CORO2A: variants seen among roughly 807,000 people sequenced by gnomAD.
The protein encoded by CORO2A is coronin-2A.
Under a neutral mutation model 62.4 loss-of-function variants are expected in CORO2A, and 47 were observed. The observed-to-expected ratio is 0.75, with a 90% CI of 0.60 to 0.96. CORO2A has a LOEUF of 0.96. Among genes scored for constraint, CORO2A ranks in the 40% least tolerant of loss-of-function variants. The probability of loss-of-function intolerance (pLI) is 0.00; values close to 1 mark genes in which losing one functional copy is unlikely to be tolerated. For synonymous variants in CORO2A, 273 were observed against 268.9 expected, an observed-to-expected ratio of 1.02 and a Z score of -0.15; for missense variants, 610 against 684.1, an observed-to-expected ratio of 0.89 and a Z score of 1.21.
At chr9:98,157,914 C>T (rs1327703400) in intron 1 of CORO2A, among the ~76,000 whole-genome samples, 2 of 152,160 alleles carry the variant, frequency 1.3e-5, no homozygotes, top group Non-Finnish European at 2.9e-5. Context: ...GGCTTTTCAT[C>T]CCTTTGAGTG....
chr9:98,138,646 C>T (rs774193961), intron 2 of CORO2A, among the ~76,000 whole-genome samples: 2 of 152,210 alleles, frequency 1.3e-5, no homozygotes. Context: ...AAAGGCCACA[C>T]GTTGTGTGAT....
intron 1 of CORO2A, among the ~76,000 whole-genome samples, chr9:98,160,682 GC>G (rs1024980724): frequency 4.6e-5 from 7 of 152,072 alleles, no homozygotes; most frequent in African/African-American, 1.4e-4. Flanking sequence ...TCCGCTCCAG[GC>G]CCCCCCACTC....
rs563236645 is a variant in CORO2A, at chr9:98,161,619, G to A, written c.1-3959C>T. On this transcript the variant is annotated intron_variant, in intron 1 of 11. Transcript: ENST00000375077. ...GATAGAGGACCAGATTTAATTTTCA[G>A]GTTTTCCTCTGATTCCTGAGCAGAG... Among the ~76,000 whole-genome samples, 3 of 152,194 alleles carry A rather than the reference G, an allele frequency of 2.0e-5. No homozygotes were observed. In the South Asian group the frequency reaches 6.2e-4, roughly 32 times the overall value.
intron 1 of CORO2A, chr9:98,172,618 C>T (rs1315262823): frequency 6.6e-6 from 1 of 152,376 alleles, no homozygotes; most frequent in African/African-American, 2.4e-5. Flanking sequence ...TTTTCCGCTA[C>T]TCTCTCACCT....
chr9:98,132,578 C>T (rs1827424123), intron 5 of CORO2A, among the ~76,000 whole-genome samples: 1 of 152,232 alleles, frequency 6.6e-6, no homozygotes, highest in African/African-American at 2.4e-5. Context: ...GAGTATTGGG[C>T]ATCCCTACAG....
chr9:98,189,864 C>G (rs1324674583), intron 1 of CORO2A, among the ~76,000 whole-genome samples: 1 of 149,608 alleles, frequency 6.7e-6, no homozygotes, highest in Non-Finnish European at 1.5e-5. Flanking sequence ...CTGAACACTT[C>G]TTCACTAGAC....
At chr9:98,134,604 A>G (rs1223808378) in intron 4 of CORO2A, among the ~76,000 whole-genome samples, 4 of 152,144 alleles carry the variant, frequency 2.6e-5, no homozygotes, top group African/African-American at 9.7e-5. Flanking sequence ...TGACGCAGCT[A>G]TAGCCAAGGA....
intron 6 of CORO2A, 33 bp from the exon 7 acceptor site, chr9:98,131,092 G>A (rs762911010): frequency 1.3e-6 from 2 of 1,517,898 alleles, no homozygotes; most frequent in East Asian, 2.3e-5. Flanking sequence ...GAAGGCCTGG[G>A]TCACTCCTGG....
Position 98,123,201 on chromosome 9 carries a change from T to G in CORO2A, c.*1573A>C, listed in dbSNP as rs1338443767. 1.3e-5 allele frequency: 2 copies of G among 152,164 alleles called. No homozygotes were observed. The highest frequency in any genetic ancestry group is 1.3e-4 in the Admixed American group (2 of 15,268). The allele number at this position is 152,164 out of a possible 1,614,324, so 9.4% of individuals were successfully genotyped here. The stretch of plus-strand genomic sequence containing the variant: ...GATTTCTACTCTTTGGGCTGAGAAC[T>G]GCATCAGACCCAAAAGAGCAAAAAG... On this transcript the variant is annotated 3_prime_UTR_variant, in exon 12 of 12. Transcript: ENST00000375077.
chr9:98,154,327 G>GTGTGTA (rs1827770855), intron 2 of CORO2A, among the ~76,000 whole-genome samples: 6 of 93,284 alleles, frequency 6.4e-5, no homozygotes, highest in African/African-American at 1.2e-4. Flanking sequence ...ATGTGTTTGT[G>GTGTGTA]TGTATATATA....
chr9:98,137,374 G>A (rs546770445), intron 3 of CORO2A, among the ~76,000 whole-genome samples, 198 bp downstream of exon 3: 26 of 152,158 alleles, frequency 1.7e-4, no homozygotes, highest in Non-Finnish European at 3.1e-4. Flanking sequence ...AAGGCCCATA[G>A]AGAGGAGGGG....
At chr9:98,135,575 C>T (rs919489477) in intron 3 of CORO2A, among the ~76,000 whole-genome samples, 17 of 152,052 alleles carry the variant, frequency 1.1e-4, no homozygotes, top group African/African-American at 4.1e-4. Flanking sequence ...GTAGTGTTGT[C>T]TGAAGATGGA....
intron 1 of CORO2A, among the ~76,000 whole-genome samples, chr9:98,187,327 C>T (rs1274323279): frequency 1.4e-5 from 2 of 146,708 alleles, no homozygotes; most frequent in African/African-American, 5.0e-5. Context: ...GGCATGATGG[C>T]GGATACCTAT....
chr9:98,173,504 C>T (rs1828067071), intron 1 of CORO2A, among the ~76,000 whole-genome samples: 1 of 152,090 alleles, frequency 6.6e-6, no homozygotes, highest in Non-Finnish European at 1.5e-5. Flanking sequence ...CCCCCCAACT[C>T]GGTGGCCACT....
intron 1 of CORO2A, among the ~76,000 whole-genome samples, chr9:98,186,502 G>C (rs1241927377): frequency 6.6e-6 from 1 of 152,124 alleles, no homozygotes; most frequent in East Asian, 1.9e-4. Context: ...AAGACTGAAA[G>C]TAAATGTTCA....
intron 4 of CORO2A, among the ~76,000 whole-genome samples, 174 bp downstream of exon 4, chr9:98,134,632 A>G (rs1458590810): frequency 6.6e-6 from 1 of 152,204 alleles, no homozygotes; most frequent in Admixed American, 6.5e-5. Context: ...AGCCACCAGA[A>G]GCTGGGAGAG....
chr9:98,173,933 A>AT (rs1397581240), intron 1 of CORO2A, among the ~76,000 whole-genome samples: 1 of 152,046 alleles, frequency 6.6e-6, no homozygotes, highest in African/African-American at 2.4e-5. Flanking sequence ...CCTGACCAAC[A>AT]TGGAGAAACC....
chr9:98,188,857 A>T (rs947835929), intron 1 of CORO2A, among the ~76,000 whole-genome samples: 1 of 152,214 alleles, frequency 6.6e-6, no homozygotes, highest in African/African-American at 2.4e-5. Context: ...GTGCTTAATA[A>T]ATACTGGCTG....
intron 2 of CORO2A, among the ~76,000 whole-genome samples, chr9:98,148,407 A>AT (rs1475086279): frequency 9.3e-5 from 14 of 150,360 alleles, no homozygotes; most frequent in African/African-American, 2.9e-4. Flanking sequence ...AAAAAAAAAA[A>AT]AAATAAGATA....
Sources: gnomAD v4.1 joint callset for allele counts (sites outside exome capture counted in the v4.1 genomes callset) on GRCh38, gnomAD v4.1.1 for gene constraint, MANE v1.5 for transcripts, NCBI Gene and HGNC (gene_info 2026-07-23, HGNC 2026-07-21) for gene names.